Variants in ARB2A observed in about 807,000 individuals in gnomAD.
ARB2A encodes cotranscriptional regulator ARB2A.
the ARB2A span, among the ~76,000 whole-genome samples, chr5:93,629,726 T>C: frequency 5.3e-5 from 8 of 152,142 alleles, no homozygotes; most frequent in African/African-American, 1.9e-4. Context: ...GAATAAACTT[T>C]GTAAATTACT....
the ARB2A span, among the ~76,000 whole-genome samples, chr5:93,853,821 G>C: frequency 1.3e-5 from 2 of 152,168 alleles, no homozygotes; most frequent in Non-Finnish European, 2.9e-5. Flanking sequence ...CTTGATCATG[G>C]TGGATAAGCT....
the ARB2A span, among the ~76,000 whole-genome samples, chr5:93,716,175 A>C: frequency 6.6e-6 from 1 of 152,198 alleles, no homozygotes; most frequent in Non-Finnish European, 1.5e-5. Context: ...ACCCTCTACA[A>C]GATTCTATAT....
the ARB2A span, among the ~76,000 whole-genome samples, chr5:93,809,369 C>T: frequency 6.6e-6 from 1 of 151,922 alleles, no homozygotes; most frequent in African/African-American, 2.4e-5. Flanking sequence ...ACATGTACCC[C>T]TGAACCTAAA....
At chr5:93,976,362 T>C in the ARB2A span, among the ~76,000 whole-genome samples, 2 of 152,090 alleles carry the variant, frequency 1.3e-5, no homozygotes, top group East Asian at 3.9e-4. Flanking sequence ...ATATCCAGTC[T>C]CATCACTCCT....
chr5:93,849,813 A>T, the ARB2A span, among the ~76,000 whole-genome samples: 13 of 152,312 alleles, frequency 8.5e-5, no homozygotes, highest in Middle Eastern at 3.4e-3. Context: ...GATGAAAAAA[A>T]TACTGGGTGA....
At chr5:93,903,778 A>T in the ARB2A span, among the ~76,000 whole-genome samples, 2 of 151,726 alleles carry the variant, frequency 1.3e-5, no homozygotes, top group Non-Finnish European at 2.9e-5. Context: ...AGTCCTAGCC[A>T]CATAGCAGAT....
the ARB2A span, among the ~76,000 whole-genome samples, chr5:93,961,170 G>A: frequency 2.8e-4 from 43 of 152,134 alleles, no homozygotes; most frequent in Non-Finnish European, 5.9e-4. Flanking sequence ...CACGCACAAA[G>A]AAAAGTGTCT....
At chr5:93,623,033 T>C in the ARB2A span, among the ~76,000 whole-genome samples, 94 of 152,320 alleles carry the variant, frequency 6.2e-4, no homozygotes, top group African/African-American at 2.2e-3. Flanking sequence ...ATACCTGCTT[T>C]AAATGATATT....
the ARB2A span, among the ~76,000 whole-genome samples, chr5:93,643,260 A>G: frequency 6.6e-6 from 1 of 152,134 alleles, no homozygotes; most frequent in African/African-American, 2.4e-5. Flanking sequence ...CCTAACCAGG[A>G]TATGTGCCCA....
chr5:93,885,319 T>G, the ARB2A span, among the ~76,000 whole-genome samples: 1 of 151,590 alleles, frequency 6.6e-6, no homozygotes, highest in African/African-American at 2.4e-5. Context: ...GAAGGCTCCA[T>G]AACTTATGCT....
At chr5:94,033,114 T>C in the ARB2A span, among the ~76,000 whole-genome samples, 3 of 152,074 alleles carry the variant, frequency 2.0e-5, no homozygotes, top group South Asian at 2.1e-4. Flanking sequence ...CCTTCTGCCA[T>C]GACTGTAACT....
At chr5:93,683,375 T>A in the ARB2A span, 1 of 1,598,922 alleles carries the variant, frequency 6.3e-7, no homozygotes, top group Non-Finnish European at 8.5e-7. Context: ...AGCTACTAAG[T>A]GCTGTCCACT....
At chr5:93,908,930 A>C in the ARB2A span, among the ~76,000 whole-genome samples, 6 of 151,062 alleles carry the variant, frequency 4.0e-5, no homozygotes, top group Admixed American at 3.3e-4. Context: ...GGAGTGAAGA[A>C]GTTGGGAATT....
At chr5:94,030,238 T>C in the ARB2A span, among the ~76,000 whole-genome samples, 1 of 152,352 alleles carries the variant, frequency 6.6e-6, no homozygotes, top group Non-Finnish European at 1.5e-5. Flanking sequence ...AATTTATAGA[T>C]CAGAAGTCTG....
At chr5:93,669,491 A>G in the ARB2A span, among the ~76,000 whole-genome samples, 1 of 152,254 alleles carries the variant, frequency 6.6e-6, no homozygotes, top group African/African-American at 2.4e-5. Flanking sequence ...AGCCATTTAA[A>G]AAAAGTATAA....
the ARB2A span, among the ~76,000 whole-genome samples, chr5:93,941,307 C>G: frequency 6.6e-6 from 1 of 151,446 alleles, no homozygotes; most frequent in Admixed American, 6.6e-5. Flanking sequence ...AAAGGAAGGA[C>G]CACAGAAAAG....
the ARB2A span, among the ~76,000 whole-genome samples, chr5:94,019,777 C>T: frequency 6.6e-6 from 1 of 152,196 alleles, no homozygotes; most frequent in Admixed American, 6.5e-5. Flanking sequence ...AATCCCATTA[C>T]TGGGTATATA....
At chr5:93,824,162 C>G in the ARB2A span, 1 of 1,586,296 alleles carries the variant, frequency 6.3e-7, no homozygotes, top group African/African-American at 1.4e-5. Context: ...TCAACAAAAG[C>G]AAGTCCTCCA....
chr5:93,837,639 T>A, the ARB2A span, among the ~76,000 whole-genome samples: 112 of 152,216 alleles, frequency 7.4e-4, no homozygotes, highest in Non-Finnish European at 1.3e-3. Flanking sequence ...AGTGTATAAG[T>A]GTTCCCTTTT....
Sources: gnomAD v4.1 joint callset for allele counts (sites outside exome capture counted in the v4.1 genomes callset) on GRCh38, gnomAD v4.1.1 for gene constraint, MANE v1.5 for transcripts, NCBI Gene and HGNC (gene_info 2026-07-23, HGNC 2026-07-21) for gene names.